CSMD1: variants seen among roughly 807,000 people sequenced by gnomAD.
CSMD1 encodes the protein CUB and Sushi multiple domains 1.
A neutral mutation model predicts 417.5 loss-of-function variants in CSMD1; 213 were observed. The observed-to-expected ratio is 0.51, with a 90% CI of 0.46 to 0.57. The LOEUF (loss-of-function observed/expected upper bound fraction) is 0.57, where lower values mean the gene tolerates loss of function less well. CSMD1 is among the 20% of genes least tolerant of loss of function. The pLI is 0.00. For synonymous variants in CSMD1, 2,862 were observed against 1,736.8 expected (o/e 1.65, Z -16.11); for missense variants, 6,923 against 4,529.7 (o/e 1.53, Z -15.17).
intron 23 of CSMD1, among the ~76,000 whole-genome samples, chr8:3,310,396 C>G (rs908802046): frequency 1.3e-5 from 2 of 152,178 alleles, no homozygotes; most frequent in African/African-American, 4.8e-5. Flanking sequence ...AGAAGGCAGT[C>G]CTGCCCAGCA....
intron 1 of CSMD1, among the ~76,000 whole-genome samples, chr8:4,936,577 C>G (rs1308292056): frequency 6.6e-6 from 1 of 152,150 alleles, no homozygotes; most frequent in African/African-American, 2.4e-5. Context: ...TTTAAGTAGA[C>G]CTACCTGTGA....
chr8:3,424,300 C>G (rs189031768), intron 12 of CSMD1, among the ~76,000 whole-genome samples: 1 of 152,204 alleles, frequency 6.6e-6, no homozygotes. Flanking sequence ...CTAGTTTAGT[C>G]TATTAATTTT....
At chr8:3,126,310 T>C (rs1817506656) in intron 41 of CSMD1, among the ~76,000 whole-genome samples, 1 of 152,170 alleles carries the variant, frequency 6.6e-6, no homozygotes, top group Non-Finnish European at 1.5e-5. Flanking sequence ...TTTGATAAAA[T>C]ATTTCTCATT....
At chr8:3,874,700 C>A (rs929391033) in intron 5 of CSMD1, among the ~76,000 whole-genome samples, 6 of 152,106 alleles carry the variant, frequency 3.9e-5, no homozygotes, top group Non-Finnish European at 7.3e-5. Flanking sequence ...GTCCCTCCTA[C>A]AACAAATGCG....
chr8:4,580,967 T>C (rs1342484838), intron 2 of CSMD1, among the ~76,000 whole-genome samples: 1 of 152,210 alleles, frequency 6.6e-6, no homozygotes, highest in Non-Finnish European at 1.5e-5. Context: ...TAGACAACGA[T>C]TGTCCACCTC....
intron 21 of CSMD1, among the ~76,000 whole-genome samples, chr8:3,351,680 A>G (rs1055116483): frequency 2.7e-5 from 4 of 149,162 alleles, no homozygotes; most frequent in Non-Finnish European, 3.0e-5. Context: ...TAATACATAT[A>G]CATTAAATGA....
intron 1 of CSMD1, among the ~76,000 whole-genome samples, chr8:4,729,654 A>T (rs901885123): frequency 7.2e-5 from 11 of 152,224 alleles, no homozygotes; most frequent in African/African-American, 2.7e-4. Context: ...TTGCATGAGT[A>T]TCTATTTGGC....
chr8:4,363,455 G>A lies in CSMD1; in HGVS notation c.415+56498C>T, dbSNP rs533400628. Among the ~76,000 whole-genome samples, 9 of 152,198 alleles carry A rather than the reference G, an allele frequency of 5.9e-5. 1 individual carries two copies. The highest frequency in any genetic ancestry group is 2.2e-4 in the African/African-American group (9 of 41,520). On this transcript the variant is annotated intron_variant, in intron 3 of 69. Coordinates refer to ENST00000635120, the MANE Select transcript of CSMD1 (RefSeq NM_033225.6). ...GCTCCCCTCATTTAGGGTCTTTCCA[G>A]CTCTATCTTCCCCACCACCCCCTCT...
intron 26 of CSMD1, among the ~76,000 whole-genome samples, chr8:3,259,123 T>C (rs1436880038): frequency 6.6e-6 from 1 of 152,188 alleles, no homozygotes; most frequent in Admixed American, 6.5e-5. Context: ...ACAAGACAAA[T>C]TATTATTCCA....
intron 5 of CSMD1, among the ~76,000 whole-genome samples, chr8:3,850,758 A>G (rs184342437): frequency 1.3e-5 from 2 of 152,300 alleles, no homozygotes; most frequent in East Asian, 3.9e-4. Flanking sequence ...TCGCATTTAT[A>G]CACATCACAG....
chr8:2,937,236 A>G lies in CSMD1; in HGVS notation c.*1349T>C, dbSNP rs1585022500. On this transcript the variant is annotated 3_prime_UTR_variant, in exon 70 of 70. Coordinates refer to ENST00000635120, the MANE Select transcript of CSMD1 (RefSeq NM_033225.6). The stretch of plus-strand genomic sequence containing the variant: ...GAAAAGTCACTGAAATTACCTTTCC[A>G]TCTGGAATCATAAAGCATGAAACAA... 2 of 152,308 alleles carry G rather than the reference A, an allele frequency of 1.3e-5. No homozygotes were observed. The highest frequency in any genetic ancestry group is 4.8e-5 in the African/African-American group (2 of 41,568). The allele number at this position is 152,308 out of a possible 1,614,324, so 9.4% of individuals were successfully genotyped here.
chr8:3,416,078 G>A (rs1028316540), intron 12 of CSMD1, among the ~76,000 whole-genome samples: 23 of 152,018 alleles, frequency 1.5e-4, no homozygotes, highest in Non-Finnish European at 2.8e-4. Flanking sequence ...GAGACAGGTG[G>A]ATCATGAGGT....
chr8:4,357,200 G>C (rs1448296975), intron 3 of CSMD1, among the ~76,000 whole-genome samples: 2 of 152,246 alleles, frequency 1.3e-5, no homozygotes, highest in African/African-American at 4.8e-5. Flanking sequence ...GTGTTCTTAA[G>C]TAGCTAAGGG....
intron 1 of CSMD1, among the ~76,000 whole-genome samples, chr8:4,805,843 T>A (rs79259029): frequency 6.6e-6 from 1 of 152,094 alleles, no homozygotes; most frequent in Admixed American, 6.5e-5. Flanking sequence ...TGGAAGCTCA[T>A]TGTGGGATGC....
chr8:3,442,263 A>C (rs68167445), intron 12 of CSMD1, among the ~76,000 whole-genome samples: 16,996 of 152,128 alleles, frequency 0.11, 1,177 homozygotes, highest in East Asian at 0.29. Flanking sequence ...TGAAGAAATA[A>C]ATTTTATAAA....
intron 1 of CSMD1, among the ~76,000 whole-genome samples, chr8:4,868,971 T>C (rs1182228978): frequency 6.6e-6 from 1 of 151,950 alleles, no homozygotes; most frequent in African/African-American, 2.4e-5. Context: ...CACAGAGACA[T>C]ACAAATAGAA....
chr8:4,260,668 T>C (rs1215599787), intron 3 of CSMD1, among the ~76,000 whole-genome samples: 2 of 152,172 alleles, frequency 1.3e-5, no homozygotes, highest in African/African-American at 4.8e-5. Context: ...ATAATTTCAG[T>C]TTTTGCGAGA....
intron 40 of CSMD1, among the ~76,000 whole-genome samples, chr8:3,143,092 T>C (rs1818603165): frequency 6.6e-6 from 1 of 152,184 alleles, no homozygotes; most frequent in Non-Finnish European, 1.5e-5. Context: ...CTGATAGCTT[T>C]ATCAAGGAAA....
intron 2 of CSMD1, among the ~76,000 whole-genome samples, chr8:4,464,039 A>G (rs1406858347): frequency 1.3e-5 from 2 of 152,152 alleles, no homozygotes; most frequent in Non-Finnish European, 2.9e-5. Flanking sequence ...TCAGTTTACG[A>G]ATTAAAAAAA....
Sources: allele counts gnomAD v4.1 joint callset (sites outside exome capture counted in the v4.1 genomes callset), GRCh38; gene constraint gnomAD v4.1.1; transcripts MANE v1.5; gene names NCBI Gene and HGNC (gene_info 2026-07-23, HGNC 2026-07-21).